Variants in RPA3 observed in about 807,000 individuals in gnomAD.
RPA3 encodes the protein replication protein A 14 kDa subunit.
A neutral mutation model predicts 13.7 loss-of-function variants in RPA3; 24 were observed. The observed-to-expected ratio is 1.75, with a 90% CI of 1.27 to 2.46. The LOEUF (loss-of-function observed/expected upper bound fraction) is 2.46. RPA3 is among the 30% of genes most tolerant of loss of function. RPA3 has a pLI of 0.00. For missense variants in RPA3, 183 were observed against 151.0 expected, an observed-to-expected ratio of 1.21 and a Z score of -1.11; for synonymous variants, 59 against 51.2, an observed-to-expected ratio of 1.15 and a Z score of -0.65.
chr7:7,653,501 A>G (rs1414996661), intron 4 of RPA3, among the ~76,000 whole-genome samples: 1 of 151,936 alleles, frequency 6.6e-6, no homozygotes, highest in Non-Finnish European at 1.5e-5. Context: ...CATGTATAGC[A>G]TTACAAAAAA....
chr7:7,648,650 A>T (rs1303188628), intron 4 of RPA3, among the ~76,000 whole-genome samples: 1 of 151,044 alleles, frequency 6.6e-6, no homozygotes, highest in Non-Finnish European at 1.5e-5. Context: ...CAGGAGTTCG[A>T]GACAAGCCTG....
intron 4 of RPA3, among the ~76,000 whole-genome samples, chr7:7,675,607 A>T (rs1779718651): frequency 6.6e-6 from 1 of 152,174 alleles, no homozygotes; most frequent in Non-Finnish European, 1.5e-5. Flanking sequence ...TTCGTATTTT[A>T]AGAAGGAATT....
intron 4 of RPA3, among the ~76,000 whole-genome samples, chr7:7,662,499 G>A (rs530544674): frequency 1.6e-4 from 25 of 152,328 alleles, no homozygotes; most frequent in African/African-American, 5.5e-4. Flanking sequence ...TGGGAAAAGC[G>A]TAGTATCCGG....
intron 2 of RPA3, among the ~76,000 whole-genome samples, chr7:7,687,594 G>A (rs1177920712): frequency 6.6e-6 from 1 of 152,172 alleles, no homozygotes; most frequent in African/African-American, 2.4e-5. Context: ...CCCACTAAAA[G>A]CTGAAGTGTT....
intron 4 of RPA3, among the ~76,000 whole-genome samples, chr7:7,657,610 T>C (rs1301088327): frequency 6.6e-6 from 1 of 152,158 alleles, no homozygotes; most frequent in Non-Finnish European, 1.5e-5. Context: ...ATGTCAAAGA[T>C]CAGATGGTTG....
At chr7:7,657,868 T>TG (rs1785379645) in intron 4 of RPA3, among the ~76,000 whole-genome samples, 1 of 152,256 alleles carries the variant, frequency 6.6e-6, no homozygotes, top group South Asian at 2.1e-4. Context: ...GGTAGCTTGA[T>TG]GGGGATAGCA....
chr7:7,702,964 C>T (rs576116127), intron 2 of RPA3, among the ~76,000 whole-genome samples: 7 of 152,322 alleles, frequency 4.6e-5, no homozygotes, highest in Non-Finnish European at 8.8e-5. Flanking sequence ...GTCCTGTTGT[C>T]GTGTAAACTT....
intron 1 of RPA3, 45 bp downstream of exon 1, chr7:7,718,470 T>A (rs1053760429): frequency 6.6e-6 from 1 of 152,172 alleles, no homozygotes. Context: ...TAAGTTATTT[T>A]GAAGGAAAAA....
At chr7:7,669,208 A>G (rs756613830) in intron 4 of RPA3, among the ~76,000 whole-genome samples, 4 of 151,934 alleles carry the variant, frequency 2.6e-5, no homozygotes, top group Non-Finnish European at 5.9e-5. Flanking sequence ...TCTACTTGGG[A>G]TCTTGGAACA....
intron 4 of RPA3, among the ~76,000 whole-genome samples, chr7:7,657,655 T>C (rs1785375083): frequency 6.6e-6 from 1 of 152,206 alleles, no homozygotes; most frequent in South Asian, 2.1e-4. Context: ...GGCTCTGTTC[T>C]GTTCCATTGG....
chr7:7,708,189 C>T (rs1352501740), intron 2 of RPA3, among the ~76,000 whole-genome samples: 4 of 152,168 alleles, frequency 2.6e-5, no homozygotes, highest in Non-Finnish European at 1.5e-5. Context: ...TCAAACACAA[C>T]AGCTTCTCCT....
chr7:7,659,938 G>C (rs1785433749), intron 4 of RPA3, among the ~76,000 whole-genome samples: 1 of 152,172 alleles, frequency 6.6e-6, no homozygotes, highest in South Asian at 2.1e-4. Flanking sequence ...TGGAGTCTAA[G>C]TCTCTTTGTA....
At chr7:7,650,537 T>C (rs1361827229) in intron 4 of RPA3, among the ~76,000 whole-genome samples, 2 of 152,240 alleles carry the variant, frequency 1.3e-5, no homozygotes, top group African/African-American at 4.8e-5. Flanking sequence ...AACAGGATGG[T>C]AGTGATGGCT....
intron 4 of RPA3, among the ~76,000 whole-genome samples, chr7:7,644,100 C>T (rs183319593): frequency 6.6e-5 from 10 of 152,272 alleles, no homozygotes; most frequent in Non-Finnish European, 1.5e-4. Context: ...ATATTCTTGG[C>T]AACTCTTGGA....
At chr7:7,640,254 G>A (rs3735460) in intron 5 of RPA3, 66 bp downstream of exon 5, 143,274 of 1,519,680 alleles carry the variant, frequency 0.094, 7,685 homozygotes, top group Admixed American at 0.21. Context: ...TTCATCCCCC[G>A]TTATCCAGGC....
intron 4 of RPA3, among the ~76,000 whole-genome samples, chr7:7,669,645 A>T (rs572281347): frequency 6.6e-6 from 1 of 152,196 alleles, no homozygotes; most frequent in South Asian, 2.1e-4. Context: ...GAATCCCAAG[A>T]CTCTTATTGT....
At chr7:7,692,572 T>G (rs987254865) in intron 2 of RPA3, 2 of 152,168 alleles carry the variant, frequency 1.3e-5, no homozygotes, top group African/African-American at 4.8e-5. Flanking sequence ...AAATTCCACT[T>G]TTAGTAATTT....
intron 4 of RPA3, among the ~76,000 whole-genome samples, chr7:7,685,495 G>T (rs140422214): frequency 6.6e-6 from 1 of 152,014 alleles, no homozygotes; most frequent in Non-Finnish European, 1.5e-5. Flanking sequence ...TTTTAGTAGA[G>T]AAGGAGTTTC....
At chr7:7,670,075 C>T (rs980787472) in intron 4 of RPA3, among the ~76,000 whole-genome samples, 1 of 152,148 alleles carries the variant, frequency 6.6e-6, no homozygotes, top group Non-Finnish European at 1.5e-5. Flanking sequence ...AAAATTTTAA[C>T]GTTTCACTTA....
Sources: allele counts gnomAD v4.1 joint callset (sites outside exome capture counted in the v4.1 genomes callset), GRCh38; gene constraint gnomAD v4.1.1; transcripts MANE v1.5; gene names NCBI Gene and HGNC (gene_info 2026-07-23, HGNC 2026-07-21).